Variants in LEPR observed in about 807,000 individuals in gnomAD.
The protein encoded by LEPR is leptin receptor, also known as OB receptor.
Under a neutral mutation model 114.7 loss-of-function variants are expected in LEPR, and 56 were observed. The observed-to-expected ratio is 0.49, with a 90% CI of 0.39 to 0.61. The LOEUF (loss-of-function observed/expected upper bound fraction) is 0.61, where lower values mean the gene tolerates loss of function less well. LEPR is among the 20% of genes least tolerant of loss of function. The probability of loss-of-function intolerance (pLI) is 0.00; values close to 1 mark genes in which losing one functional copy is unlikely to be tolerated. For missense variants in LEPR, 1,202 were observed against 1,352.9 expected, an observed-to-expected ratio of 0.89 and a Z score of 1.75; for synonymous variants, 443 against 461.4, an observed-to-expected ratio of 0.96 and a Z score of 0.51.
chr1:65,477,557 A>T (rs1056225707), intron 2 of LEPR, among the ~76,000 whole-genome samples: 1 of 152,240 alleles, frequency 6.6e-6, no homozygotes, highest in Non-Finnish European at 1.5e-5. Flanking sequence ...CATCCCTTGA[A>T]TGCCACCTGG....
intron 2 of LEPR, chr1:65,433,080 C>G: frequency 2.0e-6 from 2 of 985,300 alleles, no homozygotes; most frequent in Non-Finnish European, 2.4e-6. Flanking sequence ...GAGCCAGCCC[C>G]TGCGTTAGCA....
intron 17 of LEPR, among the ~76,000 whole-genome samples, chr1:65,620,725 C>T (rs1657829048): frequency 6.6e-6 from 1 of 152,082 alleles, no homozygotes; most frequent in African/African-American, 2.4e-5. Context: ...GCAACATGAA[C>T]TACAGGAGGT....
At chr1:65,538,361 A>G (rs980479204) in intron 2 of LEPR, among the ~76,000 whole-genome samples, 9 of 151,922 alleles carry the variant, frequency 5.9e-5, no homozygotes, top group Non-Finnish European at 1.5e-5. Flanking sequence ...GGCCATCTAT[A>G]CTACAGCTGC....
intron 2 of LEPR, among the ~76,000 whole-genome samples, chr1:65,489,995 T>C (rs2100488952): frequency 6.6e-6 from 1 of 152,280 alleles, no homozygotes; most frequent in East Asian, 1.9e-4. Flanking sequence ...ATAGTGCTAC[T>C]AAGGTCAGGG....
chr1:65,546,899 G>C (rs1041192512), intron 2 of LEPR, among the ~76,000 whole-genome samples: 1 of 152,134 alleles, frequency 6.6e-6, no homozygotes, highest in African/African-American at 2.4e-5. Flanking sequence ...TTTTCAAAGG[G>C]AATGCTTCCA....
intron 5 of LEPR, among the ~76,000 whole-genome samples, chr1:65,575,568 T>A (rs1402163276): frequency 6.6e-6 from 1 of 151,586 alleles, no homozygotes; most frequent in African/African-American, 2.4e-5. Context: ...AAATGATGCC[T>A]TCTGAAGTTA....
At chr1:65,474,058 G>C (rs1647125105) in intron 2 of LEPR, among the ~76,000 whole-genome samples, 1 of 152,148 alleles carries the variant, frequency 6.6e-6, no homozygotes, top group African/African-American at 2.4e-5. Flanking sequence ...TGATTGAACA[G>C]GGAAATCAAT....
chr1:65,533,219 A>T (rs959614285), intron 2 of LEPR, among the ~76,000 whole-genome samples: 4 of 152,128 alleles, frequency 2.6e-5, no homozygotes, highest in African/African-American at 9.6e-5. Context: ...GTATATGGAG[A>T]CAGATAGTCA....
At chr1:65,523,931 A>G (rs1649772519) in intron 2 of LEPR, among the ~76,000 whole-genome samples, 1 of 152,214 alleles carries the variant, frequency 6.6e-6, no homozygotes, top group African/African-American at 2.4e-5. Flanking sequence ...CAACAAAAAG[A>G]AGAGAAGAGG....
At chr1:65,488,182 TTC>T (rs1423829505) in intron 2 of LEPR, among the ~76,000 whole-genome samples, 1 of 19,210 alleles carries the variant, frequency 5.2e-5, no homozygotes, top group Non-Finnish European at 1.1e-4. Context: ...CTTTCTTTCT[TTC>T]TTTCTTTCTT....
intron 2 of LEPR, among the ~76,000 whole-genome samples, chr1:65,529,685 C>T (rs913089978): frequency 2.0e-5 from 3 of 152,222 alleles, no homozygotes; most frequent in African/African-American, 7.2e-5. Flanking sequence ...AGGTCTACTA[C>T]TGTCAAGTTC....
intron 2 of LEPR, among the ~76,000 whole-genome samples, chr1:65,446,556 T>C (rs1250789537): frequency 2.6e-5 from 4 of 152,200 alleles, no homozygotes; most frequent in Non-Finnish European, 5.9e-5. Flanking sequence ...AATGTACTTA[T>C]TTATAATCTT....
intron 2 of LEPR, chr1:65,433,069 C>G: frequency 2.0e-6 from 2 of 985,358 alleles, no homozygotes; most frequent in Non-Finnish European, 2.4e-6. Context: ...AGGCTGGGCT[C>G]GAGCCAGCCC....
At chr1:65,603,621 A>G (rs893419302) in intron 10 of LEPR, among the ~76,000 whole-genome samples, 10 of 152,100 alleles carry the variant, frequency 6.6e-5, no homozygotes, top group African/African-American at 2.4e-4. Context: ...CCCCATGTGG[A>G]CTAGGATAGC....
rs551499701 is a variant in LEPR, at chr1:65,453,368, T to G, written c.-21+27990T>G. Reference sequence around the variant, plus strand: ...GCTTCTCTAATTCTTTTAATTGTGATGTTAGGGTGTCAATTTTGGATCTTT... The same window carrying G: ...GCTTCTCTAATTCTTTTAATTGTGAGGTTAGGGTGTCAATTTTGGATCTTT... On this transcript the variant is annotated intron_variant, in intron 2 of 19. Transcript: ENST00000349533. 2.0e-5 allele frequency among the ~76,000 whole-genome samples: 3 copies of G among 152,318 alleles called. No individual in the cohort carries two copies. The East Asian group carries it at 5.8e-4, about 29-fold the overall frequency.
At chr1:65,437,511 G>A (rs1488647675) in intron 2 of LEPR, among the ~76,000 whole-genome samples, 1 of 151,886 alleles carries the variant, frequency 6.6e-6, no homozygotes, top group Non-Finnish European at 1.5e-5. Context: ...AGTGAAAAGA[G>A]CCAGTCACAA....
At chr1:65,574,597 C>G (rs796285215) in intron 5 of LEPR, among the ~76,000 whole-genome samples, 38 of 152,162 alleles carry the variant, frequency 2.5e-4, no homozygotes, top group African/African-American at 8.9e-4. Flanking sequence ...AATGCACTCA[C>G]AAAGCACTTG....
At chr1:65,597,319 C>A (rs977030232) in intron 7 of LEPR, among the ~76,000 whole-genome samples, 1 of 152,128 alleles carries the variant, frequency 6.6e-6, no homozygotes, top group Non-Finnish European at 1.5e-5. Context: ...ATAAAGTCTT[C>A]CTTACTTCCT....
chr1:65,612,813 A>C (rs1657260874), intron 14 of LEPR, among the ~76,000 whole-genome samples: 2 of 152,226 alleles, frequency 1.3e-5, no homozygotes, highest in Non-Finnish European at 2.9e-5. Context: ...GGAAGATCAC[A>C]GATGTAAAAT....
Sources: gnomAD v4.1 joint callset for allele counts (sites outside exome capture counted in the v4.1 genomes callset) on GRCh38, gnomAD v4.1.1 for gene constraint, MANE v1.5 for transcripts, NCBI Gene and HGNC (gene_info 2026-07-23, HGNC 2026-07-21) for gene names.